The following AP2B1 variants were observed in gnomAD, a reference collection of about 807,000 sequenced individuals.
AP2B1 encodes AP-2 complex subunit beta.
Under a neutral mutation model 102.0 loss-of-function variants are expected in AP2B1, and 23 were observed. The observed-to-expected ratio is 0.23, with a 90% CI of 0.16 to 0.32. AP2B1 has a LOEUF of 0.32. Ranked by LOEUF, AP2B1 falls within the 10% of genes least tolerant of loss-of-function variation. AP2B1 has a pLI of 1.00. For synonymous variants in AP2B1, 381 were observed against 421.2 expected (o/e 0.90, Z 1.17); for missense variants, 541 against 1,157.4 (o/e 0.47, Z 7.73).
At chr17:35,679,096 T>C (rs2075762271) in intron 17 of AP2B1, among the ~76,000 whole-genome samples, 1 of 152,228 alleles carries the variant, frequency 6.6e-6, no homozygotes, top group Non-Finnish European at 1.5e-5. Flanking sequence ...GATACTTATA[T>C]TTGAATGAGT....
At chr17:35,695,802 T>C (rs1393571761) in intron 18 of AP2B1, among the ~76,000 whole-genome samples, 2 of 152,202 alleles carry the variant, frequency 1.3e-5, no homozygotes, top group African/African-American at 4.8e-5. Context: ...TTCCCTTTAA[T>C]GATAGCTACA....
intron 14 of AP2B1, among the ~76,000 whole-genome samples, chr17:35,658,114 A>G (rs1598200727): frequency 1.3e-5 from 2 of 152,232 alleles, no homozygotes; most frequent in East Asian, 3.9e-4. Context: ...CCTAGCTCTT[A>G]ACTCTGGATA....
chr17:35,679,530 T>G (rs1441626872), intron 17 of AP2B1, among the ~76,000 whole-genome samples: 1 of 152,160 alleles, frequency 6.6e-6, no homozygotes, highest in African/African-American at 2.4e-5. Flanking sequence ...TCTGAACTCC[T>G]TGTGCCTGCC....
At chr17:35,653,337 G>A (rs748121402) in intron 13 of AP2B1, among the ~76,000 whole-genome samples, 16 of 152,108 alleles carry the variant, frequency 1.1e-4, no homozygotes, top group Non-Finnish European at 2.4e-4. Context: ...TTAATCCCCT[G>A]TTTTTACCAC....
intron 21 of AP2B1, among the ~76,000 whole-genome samples, chr17:35,718,880 A>G (rs1184342489): frequency 6.6e-6 from 1 of 152,080 alleles, no homozygotes; most frequent in Non-Finnish European, 1.5e-5. Flanking sequence ...GCAGATAAGT[A>G]AACCATGGCT....
At chr17:35,690,662 G>A (rs1030637475) in intron 18 of AP2B1, among the ~76,000 whole-genome samples, 1 of 152,124 alleles carries the variant, frequency 6.6e-6, no homozygotes, top group African/African-American at 2.4e-5. Flanking sequence ...CAGTTCCAGA[G>A]GTGCTACCAG....
chr17:35,709,046 A>G (rs782253374), intron 18 of AP2B1, among the ~76,000 whole-genome samples, 178 bp from the exon 19 acceptor site: 1 of 152,136 alleles, frequency 6.6e-6, no homozygotes, highest in African/African-American at 2.4e-5. Flanking sequence ...TTCTATGACA[A>G]TGGAGTAAGT....
At chr17:35,646,617 ACT>A (rs1382575944) in intron 12 of AP2B1, among the ~76,000 whole-genome samples, 2 of 137,882 alleles carry the variant, frequency 1.5e-5, no homozygotes, top group African/African-American at 5.5e-5. Flanking sequence ...ATGGAGTCTC[ACT>A]CTGTTACCCA....
At chr17:35,612,884 A>G (rs925214321) in intron 5 of AP2B1, among the ~76,000 whole-genome samples, 28 of 20,758 alleles carry the variant, frequency 1.3e-3, no homozygotes, top group African/African-American at 4.1e-3. Context: ...ATGTGCGCAC[A>G]CACACACACA....
At position 35,598,330 on chromosome 17, in the gene AP2B1, T is replaced by G. The variant is rs776332490; in HGVS notation, c.138T>G (p.Asp46Glu). 2 of 1,606,798 alleles carry G rather than the reference T, an allele frequency of 1.2e-6. No individual in the cohort carries two copies. The highest frequency in any genetic ancestry group is 1.7e-6 in the Non-Finnish European group (2 of 1,174,546). Residue 46 changes from aspartate to glutamate, a missense_variant, in exon 3 of 22, where the codon GAT becomes GAG. Around this residue, in one of 10 missense-constraint regions of AP2B1, gnomAD observed 18 missense variants for 23.8 expected, o/e 0.76. Transcript: ENST00000610402. ...KVIAAMTVGK[D>E]VSSLFPDVVN... Reference sequence around the variant, plus strand: ...TTGCTGCTATGACCGTGGGGAAGGATGTTAGGTAAGAGTAATCACCCTTGC... The same window carrying G: ...TTGCTGCTATGACCGTGGGGAAGGAGGTTAGGTAAGAGTAATCACCCTTGC...
chr17:35,606,854 A>G (rs1157612469), intron 4 of AP2B1, among the ~76,000 whole-genome samples: 1 of 152,206 alleles, frequency 6.6e-6, no homozygotes, highest in African/African-American at 2.4e-5. Flanking sequence ...TATCCAGTCA[A>G]ATCTTTCCTA....
At chr17:35,701,071 T>G (rs1354016946) in intron 18 of AP2B1, among the ~76,000 whole-genome samples, 4 of 152,206 alleles carry the variant, frequency 2.6e-5, no homozygotes, top group Non-Finnish European at 5.9e-5. Context: ...CCTTCACTCA[T>G]TGAACCCATT....
intron 18 of AP2B1, among the ~76,000 whole-genome samples, chr17:35,696,493 C>T (rs1230600055): frequency 6.7e-6 from 1 of 148,418 alleles, no homozygotes; most frequent in Non-Finnish European, 1.5e-5. Flanking sequence ...CTGCAACCTT[C>T]GCCTCCCAGG....
intron 1 of AP2B1, among the ~76,000 whole-genome samples, chr17:35,591,858 A>C (rs918371062): frequency 6.6e-6 from 1 of 152,224 alleles, no homozygotes; most frequent in Non-Finnish European, 1.5e-5. Context: ...AAGCTTCAGT[A>C]TAATTTTTAA....
intron 5 of AP2B1, among the ~76,000 whole-genome samples, chr17:35,614,417 T>C (rs1389987215): frequency 6.6e-6 from 1 of 152,102 alleles, no homozygotes; most frequent in Non-Finnish European, 1.5e-5. Context: ...CTCAATCTCC[T>C]AGCTTAAAGC....
intron 14 of AP2B1, among the ~76,000 whole-genome samples, chr17:35,670,443 C>T (rs942744227): frequency 6.6e-6 from 1 of 152,082 alleles, no homozygotes; most frequent in Non-Finnish European, 1.5e-5. Flanking sequence ...AACACCTCCC[C>T]ACCCTTTCCG....
At chr17:35,597,101 G>T (rs2073314659) in intron 2 of AP2B1, 1 of 532,042 alleles carries the variant, frequency 1.9e-6, no homozygotes. Context: ...GGCCACTGAG[G>T]CAGCAGTAGC....
At chr17:35,707,093 C>T (rs892003776) in intron 18 of AP2B1, among the ~76,000 whole-genome samples, 24 of 152,156 alleles carry the variant, frequency 1.6e-4, no homozygotes, top group Admixed American at 6.5e-5. Flanking sequence ...CGGAAGCCCA[C>T]GGCTGGCATC....
At chr17:35,659,910 G>A in intron 14 of AP2B1, 2 of 985,338 alleles carry the variant, frequency 2.0e-6, no homozygotes, top group Non-Finnish European at 2.4e-6. Context: ...GAGAATCAAG[G>A]TTCCTTTTTC....
Sources: allele counts gnomAD v4.1 joint callset (sites outside exome capture counted in the v4.1 genomes callset), GRCh38; gene constraint gnomAD v4.1.1; regional missense constraint gnomAD v4.1.1; transcripts MANE v1.5; gene names NCBI Gene and HGNC (gene_info 2026-07-23, HGNC 2026-07-21).